EPHA6: variants seen among roughly 807,000 people sequenced by gnomAD.
EPHA6 encodes the protein EPH receptor A6.
In EPHA6, 50 loss-of-function variants were observed where a neutral mutation model predicts 112.0. The ratio of observed to expected loss-of-function variants is 0.45; its 90% CI spans 0.36 to 0.56. The LOEUF is 0.56. EPHA6 is among the 20% of genes least tolerant of loss of function. The pLI is 0.00. For missense variants in EPHA6, 1,280 were observed against 1,417.4 expected, an observed-to-expected ratio of 0.90 and a Z score of 1.56; for synonymous variants, 529 against 490.7, an observed-to-expected ratio of 1.08 and a Z score of -1.03.
At chr3:97,313,680 C>T (rs768121182) in intron 5 of EPHA6, among the ~76,000 whole-genome samples, 3 of 151,620 alleles carry the variant, frequency 2.0e-5, no homozygotes, top group Admixed American at 1.3e-4. Context: ...TGTATGTCTT[C>T]TTTTGAGAAA....
intron 2 of EPHA6, among the ~76,000 whole-genome samples, chr3:96,915,065 A>G (rs1431172907): frequency 2.0e-5 from 3 of 151,258 alleles, no homozygotes; most frequent in Non-Finnish European, 2.9e-5. Flanking sequence ...TGAATCTACT[A>G]GTTTATTAAA....
chr3:97,038,203 T>C lies in EPHA6; in HGVS notation c.1114+50210T>C, dbSNP rs113936550. ...TCTAGCTATGTTGAAATGCATAATA[T>C]ATTATTGTTAGCTATAATAATCCTG... On this transcript the variant is annotated intron_variant, in intron 3 of 17. Coordinates refer to ENST00000389672, the MANE Select transcript of EPHA6 (RefSeq NM_001080448.3). 1.8e-4 allele frequency among the ~76,000 whole-genome samples: 28 copies of C among 152,134 alleles called. 1 individual carries two copies. The highest frequency in any genetic ancestry group is 6.7e-4 in the African/African-American group (28 of 41,526).
intron 14 of EPHA6, among the ~76,000 whole-genome samples, chr3:97,709,910 C>G (rs540752186): frequency 1.4e-4 from 22 of 152,296 alleles, no homozygotes; most frequent in Middle Eastern, 3.4e-3. Context: ...TTTCCTGAGG[C>G]CTTTCCAGCC....
intron 3 of EPHA6, among the ~76,000 whole-genome samples, chr3:97,142,664 C>G (rs1470450474): frequency 6.6e-6 from 1 of 151,748 alleles, no homozygotes; most frequent in South Asian, 2.1e-4. Context: ...GAAATTGAGT[C>G]AGTAATAAAA....
At position 96,866,321 on chromosome 3, in the gene EPHA6, A is replaced by G. The variant is rs2036308095; in HGVS notation, c.386-504A>G. On this transcript the variant is annotated intron_variant, in intron 1 of 17. Transcript: ENST00000389672. ...TAGCCATAAGTAAACTACCTAGTGTATATAATAATAATGTAGTCAGTGCTT... is the reference window on the plus strand; with the variant it reads ...TAGCCATAAGTAAACTACCTAGTGTGTATAATAATAATGTAGTCAGTGCTT... 2.0e-5 allele frequency among the ~76,000 whole-genome samples: 3 copies of G among 152,086 alleles called. No homozygotes were observed. In the South Asian group the frequency reaches 6.2e-4, roughly 31 times the overall value.
rs115291862 is a variant in EPHA6 at position 97,384,058 on chromosome 3, T to A, written c.1607-21092T>A. ...TAGAATATGTAAGTTTTTTTCTAGA[T>A]TTATAATGTTGACTATTGGAAAATC... On this transcript the variant is annotated intron_variant, in intron 5 of 17. Coordinates refer to ENST00000389672, the MANE Select transcript of EPHA6 (RefSeq NM_001080448.3). Among the ~76,000 whole-genome samples the A allele has an allele frequency of 8.3e-3, 1,258 of 152,284 alleles. 14 individuals are homozygous for A. Among genetic ancestry groups the A allele is most frequent in the African/African-American group, 0.027 (1,120 of 41,576 alleles).
At chr3:97,634,613 A>C (rs1287564303) in intron 13 of EPHA6, among the ~76,000 whole-genome samples, 3 of 152,026 alleles carry the variant, frequency 2.0e-5, no homozygotes, top group Non-Finnish European at 4.4e-5. Flanking sequence ...ATCACTCCCT[A>C]GGGAATGCTC....
intron 5 of EPHA6, among the ~76,000 whole-genome samples, chr3:97,375,978 G>C (rs544558748): frequency 8.1e-4 from 123 of 152,224 alleles, no homozygotes; most frequent in Non-Finnish European, 1.3e-3. Context: ...CAAATATCCA[G>C]TATCTTGAGT....
rs565044682 is a variant in EPHA6, at chr3:97,566,993, G to A, written c.2387-25619G>A. Among the ~76,000 whole-genome samples the A allele has an allele frequency of 2.6e-5, 4 of 152,306 alleles. No individual in the cohort carries two copies. In the East Asian group the frequency reaches 7.7e-4, roughly 29 times the overall value. On this transcript the variant is annotated intron_variant, in intron 11 of 17. Coordinates refer to ENST00000389672, the MANE Select transcript of EPHA6 (RefSeq NM_001080448.3). Reference sequence around the variant, plus strand: ...CATCCCTACCAAATAGAAACCACATGAACTGACAGAAGGGAAAAGGTGATT... The same window carrying A: ...CATCCCTACCAAATAGAAACCACATAAACTGACAGAAGGGAAAAGGTGATT...
rs1011352358 is a variant in EPHA6 at position 97,038,392 on chromosome 3, A to T, written c.1114+50399A>T. The stretch of plus-strand genomic sequence containing the variant: ...TCCAATTTTTACACTTCAAATTATT[A>T]GTGAAAACATGCAATATTTGTCTAT... On this transcript the variant is annotated intron_variant, in intron 3 of 17. Transcript: ENST00000389672. Among the ~76,000 whole-genome samples, 5 of 152,148 alleles carry T rather than the reference A, an allele frequency of 3.3e-5. No homozygotes were observed. In the South Asian group the frequency reaches 1.0e-3, roughly 32 times the overall value.
At chr3:97,442,573 AAG>A (rs1038485605) in intron 6 of EPHA6, among the ~76,000 whole-genome samples, 18 of 150,696 alleles carry the variant, frequency 1.2e-4, no homozygotes, top group Non-Finnish European at 1.5e-4. Flanking sequence ...CTGCCTCAAA[AAG>A]AGAGAGAGAG....
chr3:97,321,914 A>G (rs1257345351), intron 5 of EPHA6, among the ~76,000 whole-genome samples: 1 of 152,082 alleles, frequency 6.6e-6, no homozygotes, highest in Non-Finnish European at 1.5e-5. Flanking sequence ...TTCAAATGTT[A>G]TTAAGAATGT....
At chr3:97,165,393 G>A (rs892981479) in intron 3 of EPHA6, among the ~76,000 whole-genome samples, 2 of 152,142 alleles carry the variant, frequency 1.3e-5, no homozygotes, top group Admixed American at 1.3e-4. Context: ...CTTCTGCAAA[G>A]TATAATGACT....
intron 14 of EPHA6, among the ~76,000 whole-genome samples, chr3:97,696,131 A>G (rs749761294): frequency 3.3e-5 from 5 of 152,230 alleles, no homozygotes; most frequent in African/African-American, 4.8e-5. Flanking sequence ...TTGCAAATAG[A>G]AAACAACTTC....
chr3:97,146,613 C>A (rs2076048696), intron 3 of EPHA6, among the ~76,000 whole-genome samples: 1 of 151,950 alleles, frequency 6.6e-6, no homozygotes, highest in African/African-American at 2.4e-5. Context: ...CAATAGCTAC[C>A]TTATCAACTA....
chr3:97,197,531 C>A (rs2077472587), intron 3 of EPHA6, among the ~76,000 whole-genome samples: 1 of 151,872 alleles, frequency 6.6e-6, no homozygotes, highest in Non-Finnish European at 1.5e-5. Flanking sequence ...TTTACTGTGG[C>A]TGAGCTGGTA....
intron 5 of EPHA6, among the ~76,000 whole-genome samples, chr3:97,359,417 T>A (rs2084250656): frequency 6.6e-6 from 1 of 151,976 alleles, no homozygotes; most frequent in Admixed American, 6.6e-5. Context: ...TTTTTTAAAA[T>A]TACTTTCTTG....
At chr3:97,407,516 AGTGATAT>A (rs2087431984) in intron 6 of EPHA6, among the ~76,000 whole-genome samples, 1 of 151,824 alleles carries the variant, frequency 6.6e-6, no homozygotes, top group African/African-American at 2.4e-5. Flanking sequence ...GTGTATTAAG[AGTGATAT>A]GTCAGAAAGA....
intron 1 of EPHA6, among the ~76,000 whole-genome samples, chr3:96,819,298 G>A (rs77313493): frequency 0.041 from 6,203 of 151,990 alleles, 380 homozygotes; most frequent in African/African-American, 0.13. Context: ...CACAAAATAA[G>A]TATTAAAAAA....
Sources: gnomAD v4.1 joint callset for allele counts (sites outside exome capture counted in the v4.1 genomes callset) on GRCh38, gnomAD v4.1.1 for gene constraint, MANE v1.5 for transcripts, NCBI Gene and HGNC (gene_info 2026-07-23, HGNC 2026-07-21) for gene names.